The following ASIC2 variants were observed in gnomAD, a reference collection of about 807,000 sequenced individuals.
The protein encoded by ASIC2 is acid sensing ion channel subunit 2.
A neutral mutation model predicts 57.3 loss-of-function variants in ASIC2; 25 were observed. The ratio of observed to expected loss-of-function variants is 0.44; its 90% CI spans 0.32 to 0.61. The LOEUF (loss-of-function observed/expected upper bound fraction) is 0.61. Among genes scored for constraint, ASIC2 ranks in the 20% least tolerant of loss-of-function variants. The pLI, the probability that ASIC2 is intolerant of heterozygous loss-of-function variation, is 0.06. For missense variants in ASIC2, 641 were observed against 738.1 expected (o/e 0.87, Z 1.52); for synonymous variants, 319 against 307.5 (o/e 1.04, Z -0.39).
chr17:34,057,102 A>G (rs952617286), intron 1 of ASIC2, among the ~76,000 whole-genome samples: 1 of 152,048 alleles, frequency 6.6e-6, no homozygotes, highest in Non-Finnish European at 1.5e-5. Context: ...TTAATCATCA[A>G]CCTTTTGTTG....
At chr17:33,145,253 C>T (rs1705544830) in intron 1 of ASIC2, among the ~76,000 whole-genome samples, 1 of 152,232 alleles carries the variant, frequency 6.6e-6, no homozygotes, top group South Asian at 2.1e-4. Context: ...CTGCACCCTT[C>T]TGGCATCAGG....
At chr17:33,282,459 GTGTGTGTGTGTGTGTGCT>G (rs1050798881) in intron 1 of ASIC2, among the ~76,000 whole-genome samples, 2 of 88,638 alleles carry the variant, frequency 2.3e-5, no homozygotes, top group Non-Finnish European at 4.6e-5. Flanking sequence ...GTGTATGTGT[GTGTGTGTGTGTGTGTGCT>G]TGTGTGTGTG....
intron 1 of ASIC2, among the ~76,000 whole-genome samples, chr17:33,901,855 C>A (rs993535859): frequency 6.6e-6 from 1 of 152,022 alleles, no homozygotes; most frequent in Admixed American, 6.6e-5. Flanking sequence ...TAATGTTTGC[C>A]TTATGGTTCT....
intron 1 of ASIC2, among the ~76,000 whole-genome samples, chr17:33,285,911 A>C (rs1218972294): frequency 6.6e-6 from 1 of 152,170 alleles, no homozygotes; most frequent in African/African-American, 2.4e-5. Flanking sequence ...TTTGTCCTTC[A>C]CTCAAAATTC....
chr17:33,249,772 C>A (rs1053636681), intron 1 of ASIC2, among the ~76,000 whole-genome samples: 1 of 152,196 alleles, frequency 6.6e-6, no homozygotes, highest in African/African-American at 2.4e-5. Flanking sequence ...TTGCATAAAC[C>A]TTAGTTCCAC....
At chr17:33,193,888 G>C (rs1217887425) in intron 1 of ASIC2, among the ~76,000 whole-genome samples, 1 of 152,114 alleles carries the variant, frequency 6.6e-6, no homozygotes, top group Non-Finnish European at 1.5e-5. Context: ...GCCTTCCTTG[G>C]CTTGGCCATC....
chr17:34,047,852 A>G (rs1908396991), intron 1 of ASIC2, among the ~76,000 whole-genome samples: 1 of 152,248 alleles, frequency 6.6e-6, no homozygotes, highest in Admixed American at 6.5e-5. Flanking sequence ...AGAAACAAGC[A>G]TGGTCCCCAC....
At chr17:33,485,210 A>T (rs1416674957) in intron 1 of ASIC2, among the ~76,000 whole-genome samples, 3 of 152,264 alleles carry the variant, frequency 2.0e-5, no homozygotes, top group African/African-American at 7.2e-5. Context: ...TCATCAGTTC[A>T]TCAGACTCTT....
chr17:33,757,453 G>C (rs1910641770), intron 1 of ASIC2, among the ~76,000 whole-genome samples: 1 of 152,160 alleles, frequency 6.6e-6, no homozygotes, highest in Non-Finnish European at 1.5e-5. Flanking sequence ...CTGGATGTTA[G>C]AGTTCTGCTC....
chr17:33,736,932 C>G (rs1423832591), intron 1 of ASIC2, among the ~76,000 whole-genome samples: 2 of 152,184 alleles, frequency 1.3e-5, no homozygotes, highest in Non-Finnish European at 2.9e-5. Flanking sequence ...CTTTTTTTAA[C>G]AGCTTTATCG....
At chr17:33,195,657 T>C (rs1368763757) in intron 1 of ASIC2, among the ~76,000 whole-genome samples, 1 of 152,134 alleles carries the variant, frequency 6.6e-6, no homozygotes, top group Non-Finnish European at 1.5e-5. Flanking sequence ...TTAAAACATA[T>C]TACTTTGGGT....
intron 1 of ASIC2, among the ~76,000 whole-genome samples, chr17:33,877,796 A>G (rs959517650): frequency 1.2e-4 from 19 of 152,244 alleles, no homozygotes; most frequent in Admixed American, 3.3e-4. Context: ...ATCTGAGAAC[A>G]GACAGACTGC....
At chr17:34,021,837 G>GTTTTTTTTTTTTTTTTTTTTTT (rs11394863) in intron 1 of ASIC2, among the ~76,000 whole-genome samples, 1 of 118,340 alleles carries the variant, frequency 8.5e-6, no homozygotes, top group Admixed American at 8.8e-5. Flanking sequence ...GTTTTGTTTT[G>GTTTTTTTTTTTTTTTTTTTTTT]TTTTTTTTTT....
At chr17:34,078,688 T>C (rs930898300) in intron 1 of ASIC2, among the ~76,000 whole-genome samples, 1 of 152,112 alleles carries the variant, frequency 6.6e-6, no homozygotes, top group African/African-American at 2.4e-5. Context: ...GCACTTTCTG[T>C]GTTTCTCACC....
chr17:33,013,819 TC>T lies in ASIC2; in HGVS notation c.*145del, dbSNP rs2091791443. ...CGTGTTGGACGTGGCCGGAGCGAGG[TC>T]TAGGCAGCTAGTCTGCAATGTGTGC... is the stretch of plus-strand genomic sequence containing the variant. On this transcript the variant is annotated 3_prime_UTR_variant, in exon 10 of 10. Transcript: ENST00000225823. 1 of 715,954 alleles carries T rather than the reference TC, an allele frequency of 1.4e-6. No individual in the cohort carries two copies. 44.4% of individuals were successfully genotyped at this position (715,954 alleles called of 1,614,324 possible).
At chr17:33,568,004 T>TA (rs1916299043) in intron 1 of ASIC2, among the ~76,000 whole-genome samples, 1 of 152,230 alleles carries the variant, frequency 6.6e-6, no homozygotes, top group Non-Finnish European at 1.5e-5. Context: ...CTTCTTTTCA[T>TA]TACCTTACTT....
At chr17:33,037,617 G>A (rs188517153) in intron 3 of ASIC2, among the ~76,000 whole-genome samples, 2,502 of 152,222 alleles carry the variant, frequency 0.016, 52 homozygotes, top group Middle Eastern at 0.068. Flanking sequence ...GGACCCTGAA[G>A]CACCATCTTC....
intron 1 of ASIC2, among the ~76,000 whole-genome samples, chr17:33,506,391 T>C (rs776967015): frequency 3.0e-4 from 43 of 143,508 alleles, no homozygotes; most frequent in Non-Finnish European, 5.7e-4. Context: ...CCAGCCTGGG[T>C]GACAAAGCAG....
At chr17:33,667,604 C>T (rs1907516802) in intron 1 of ASIC2, among the ~76,000 whole-genome samples, 1 of 152,158 alleles carries the variant, frequency 6.6e-6, no homozygotes, top group Non-Finnish European at 1.5e-5. Context: ...TGCTTATTAG[C>T]TGTGTCATTT....
Sources: gnomAD v4.1 joint callset for allele counts (sites outside exome capture counted in the v4.1 genomes callset) on GRCh38, gnomAD v4.1.1 for gene constraint, MANE v1.5 for transcripts, NCBI Gene and HGNC (gene_info 2026-07-23, HGNC 2026-07-21) for gene names.